TBC1D22A: variants seen among roughly 807,000 people sequenced by gnomAD.
The protein encoded by TBC1D22A is putative GTPase activator.
Under a neutral mutation model 60.2 loss-of-function variants are expected in TBC1D22A, and 38 were observed. That is an observed-to-expected ratio of 0.63 (90% CI 0.49 to 0.83). The LOEUF is 0.83. Ranked by LOEUF, TBC1D22A falls within the 40% of genes least tolerant of loss-of-function variation. TBC1D22A has a pLI of 0.00. For missense variants in TBC1D22A, 628 were observed against 701.0 expected (o/e 0.90, Z 1.18); for synonymous variants, 302 against 281.7 (o/e 1.07, Z -0.72).
intron 4 of TBC1D22A, among the ~76,000 whole-genome samples, chr22:46,840,289 A>G (rs1354140501): frequency 3.3e-5 from 5 of 152,248 alleles, no homozygotes; most frequent in Non-Finnish European, 7.3e-5. Flanking sequence ...CTGATGAAAA[A>G]GTGGGCAAAG....
At chr22:47,099,912 T>C (rs1221990359) in intron 11 of TBC1D22A, among the ~76,000 whole-genome samples, 2 of 152,164 alleles carry the variant, frequency 1.3e-5, no homozygotes, top group African/African-American at 4.8e-5. Flanking sequence ...TTCAGAGCCC[T>C]TCCAGCCCTG....
intron 8 of TBC1D22A, among the ~76,000 whole-genome samples, chr22:46,940,561 T>TAC (rs371096419): frequency 6.0e-4 from 84 of 138,940 alleles, no homozygotes; most frequent in African/African-American, 1.8e-3. Context: ...TGTGTATGTA[T>TAC]ACACACACAC....
Position 47,121,786 on chromosome 22 carries a change from C to T in TBC1D22A, c.1425+10183C>T, listed in dbSNP as rs559919528. On this transcript the variant is annotated intron_variant, in intron 12 of 12. Transcript: ENST00000337137. ...ATGGTTTTCTCACTAGGGTTAATTC[C>T]CACGTTAAGGATGGTTGTGGGGATT... Among the ~76,000 whole-genome samples the T allele has an allele frequency of 1.4e-4, 22 of 152,050 alleles. No individual in the cohort carries two copies. In the South Asian group the frequency reaches 4.4e-3, roughly 30 times the overall value.
intron 4 of TBC1D22A, among the ~76,000 whole-genome samples, chr22:46,824,278 T>G (rs1027022881): frequency 1.3e-5 from 2 of 152,038 alleles, no homozygotes; most frequent in Non-Finnish European, 2.9e-5. Context: ...AAGGGGCTGC[T>G]TATGAAGGTG....
chr22:47,149,996 G>A (rs1029250568), intron 12 of TBC1D22A, among the ~76,000 whole-genome samples: 1 of 152,094 alleles, frequency 6.6e-6, no homozygotes, highest in African/African-American at 2.4e-5. Flanking sequence ...TGACTCCTCA[G>A]GGGCAGCGGG....
intron 11 of TBC1D22A, among the ~76,000 whole-genome samples, chr22:47,045,719 A>G (rs1349317073): frequency 1.3e-5 from 2 of 152,150 alleles, no homozygotes; most frequent in African/African-American, 4.8e-5. Flanking sequence ...CAGTCAATAA[A>G]AAAGAAACCG....
In TBC1D22A at chr22:46,769,093, CAAAAAAAAAAAA is replaced by C. The variant is rs61105868; in HGVS notation, c.62+6257_62+6268del. ...TGGGCGACAGGGCAAGACTCTGTCTCAAAAAAAAAAAAAAAAAAAAAAAGAAAGTGTTATGGT... is the reference window on the plus strand; with the variant it reads ...TGGGCGACAGGGCAAGACTCTGTCTCAAAAAAAAAAAGAAAGTGTTATGGT... On this transcript the variant is annotated intron_variant, in intron 1 of 12. Transcript: ENST00000337137. Among the ~76,000 whole-genome samples, 528 of 72,662 alleles carry C rather than the reference CAAAAAAAAAAAA, an allele frequency of 7.3e-3. 5 individuals are homozygous for C. Among genetic ancestry groups the C allele is most frequent in the African/African-American group, 0.029 (504 of 17,486 alleles). The allele number at this position is 72,662 out of a possible 152,430, so 47.7% of individuals were successfully genotyped here.
At chr22:46,858,982 T>G in intron 4 of TBC1D22A, among the ~76,000 whole-genome samples, 1 of 142,560 alleles carries the variant, frequency 7.0e-6, no homozygotes, top group African/African-American at 2.6e-5. Context: ...GAGGTCTGTG[T>G]AGTGCTGTGC....
intron 10 of TBC1D22A, among the ~76,000 whole-genome samples, chr22:47,026,245 T>A (rs976626628): frequency 1.4e-4 from 22 of 152,178 alleles, no homozygotes; most frequent in African/African-American, 5.1e-4. Context: ...ATAAAGAGCA[T>A]GTTCGATGTT....
chr22:46,834,048 A>G (rs565458662), intron 4 of TBC1D22A, among the ~76,000 whole-genome samples: 1 of 151,984 alleles, frequency 6.6e-6, no homozygotes, highest in South Asian at 2.1e-4. Context: ...GCATTTTCTT[A>G]TTTAAATTGT....
At chr22:46,763,079 T>C (rs985366103) in intron 1 of TBC1D22A, among the ~76,000 whole-genome samples, 1 of 152,002 alleles carries the variant, frequency 6.6e-6, no homozygotes, top group Non-Finnish European at 1.5e-5. Flanking sequence ...GAGGAGCTAT[T>C]GGCGTTTTTC....
At chr22:47,168,070 G>A (rs1014072509) in intron 12 of TBC1D22A, among the ~76,000 whole-genome samples, 32 of 152,260 alleles carry the variant, frequency 2.1e-4, no homozygotes, top group African/African-American at 7.2e-4. Flanking sequence ...GGATTTGAAC[G>A]TGGCCGTGGG....
At chr22:47,078,635 A>G (rs2064325835) in intron 11 of TBC1D22A, among the ~76,000 whole-genome samples, 1 of 152,246 alleles carries the variant, frequency 6.6e-6, no homozygotes, top group Non-Finnish European at 1.5e-5. Context: ...GATTCTTACC[A>G]TCGAGGTTTA....
At chr22:47,026,485 A>G (rs1226706522) in intron 10 of TBC1D22A, among the ~76,000 whole-genome samples, 1 of 152,242 alleles carries the variant, frequency 6.6e-6, no homozygotes, top group Non-Finnish European at 1.5e-5. Flanking sequence ...TTTGCAGACA[A>G]CATGATCATC....
chr22:46,847,948 T>C (rs866034752), intron 4 of TBC1D22A, among the ~76,000 whole-genome samples: 3 of 119,836 alleles, frequency 2.5e-5, no homozygotes, highest in East Asian at 4.4e-4. Context: ...TGTGTGTGTG[T>C]GTGTGTGCGC....
intron 5 of TBC1D22A, 84 bp downstream of exon 5, chr22:46,878,807 C>T: frequency 7.5e-7 from 1 of 1,326,158 alleles, no homozygotes; most frequent in South Asian, 1.2e-5. Context: ...GCCTGACAGC[C>T]ACAGCCCACG....
chr22:47,150,894 C>T (rs2067475628), intron 12 of TBC1D22A, among the ~76,000 whole-genome samples: 1 of 152,238 alleles, frequency 6.6e-6, no homozygotes, highest in Non-Finnish European at 1.5e-5. Flanking sequence ...CATTCTCTTC[C>T]TTCCGTGGGA....
At chr22:46,783,506 G>T (rs2084031094) in intron 1 of TBC1D22A, among the ~76,000 whole-genome samples, 1 of 152,236 alleles carries the variant, frequency 6.6e-6, no homozygotes. Context: ...CGCAGTTGAT[G>T]CCGCTGTGGG....
intron 11 of TBC1D22A, among the ~76,000 whole-genome samples, chr22:47,076,541 G>C (rs1045705716): frequency 4.0e-5 from 6 of 151,782 alleles, no homozygotes; most frequent in Non-Finnish European, 8.8e-5. Flanking sequence ...CAGTGTTTTG[G>C]TAGGTGATTA....
Sources: allele counts gnomAD v4.1 joint callset (sites outside exome capture counted in the v4.1 genomes callset), GRCh38; gene constraint gnomAD v4.1.1; transcripts MANE v1.5; gene names NCBI Gene and HGNC (gene_info 2026-07-23, HGNC 2026-07-21).